The following ZNF71 variants were observed in gnomAD, a reference collection of about 807,000 sequenced individuals.
ZNF71 encodes the protein zinc finger protein 71.
ZNF71 carries 3 observed loss-of-function variants against 6.7 expected under a neutral mutation model. The observed-to-expected ratio is 0.45, with a 90% CI of 0.20 to 1.16. The LOEUF (loss-of-function observed/expected upper bound fraction) is 1.16. Ranked by LOEUF, ZNF71 falls within the 50% of genes most tolerant of loss-of-function variation. The pLI is 0.25. For synonymous variants in ZNF71, 343 were observed against 311.1 expected (o/e 1.10, Z -1.08); for missense variants, 688 against 728.6 (o/e 0.94, Z 0.64).
chr19:56,596,415 C>T (rs928433165), intron 1 of ZNF71, among the ~76,000 whole-genome samples: 3 of 152,160 alleles, frequency 2.0e-5, no homozygotes, highest in African/African-American at 7.2e-5. Flanking sequence ...CTACGCTTCT[C>T]CTAGTCTGCC....
rs1289752513 is a variant in ZNF71, at chr19:56,621,406, A to G, written c.299A>G (p.Glu100Gly). 3 of 1,612,524 alleles carry G rather than the reference A, an allele frequency of 1.9e-6. No homozygotes were observed. Among genetic ancestry groups the G allele is most frequent in the Non-Finnish European group, 2.5e-6 (3 of 1,179,158 alleles). ...ARGPGSEGVW[E>G]PGSWPERPRG... The stretch of plus-strand genomic sequence containing the variant: ...GGTCCTGGCTCAGAAGGAGTGTGGG[A>G]ACCAGGCAGCTGGCCAGAGAGGCCG... Residue 100 changes from glutamate (E) to glycine (G), a missense_variant, in exon 4 of 4, where the codon GAA becomes GGA. Coordinates refer to ENST00000599599, the MANE Select transcript of ZNF71 (RefSeq NM_001370215.1).
At position 56,621,199 on chromosome 19, in the gene ZNF71, T is replaced by A. The variant is rs889717787; in HGVS notation, c.161-69T>A. ...GTCGGTTTCATTTGCTCCTTCCTGC[T>A]GTGGAGCTTCCTCACTCCCAGCATC... is the stretch of plus-strand genomic sequence containing the variant. On this transcript the variant is annotated intron_variant, in intron 3 of 3. Coordinates refer to ENST00000599599, the MANE Select transcript of ZNF71 (RefSeq NM_001370215.1). 1.4e-5 allele frequency: 21 copies of A among 1,475,996 alleles called. No homozygotes were observed. The Admixed American group carries it at 1.7e-4, about 12-fold the overall frequency. The allele number at this position is 1,475,996 out of a possible 1,614,324, so 91.4% of individuals were successfully genotyped here.
At chr19:56,610,789 GT>G (rs1441309677) in intron 2 of ZNF71, among the ~76,000 whole-genome samples, 1 of 152,200 alleles carries the variant, frequency 6.6e-6, no homozygotes, top group African/African-American at 2.4e-5. Context: ...GAGGAATGTT[GT>G]TGCAGTATTT....
chr19:56,622,636 ACTC>A lies in ZNF71; in HGVS notation c.1534_1536del (p.Ser512del). 1.3e-6 allele frequency: 2 copies of A among 1,566,712 alleles called. No homozygotes were observed. Among genetic ancestry groups the A allele is most frequent in the Non-Finnish European group, 1.7e-6 (2 of 1,158,810 alleles). ...CAGTGCGGGAAGTCCTTCATCAAGA[ACTC>A]CTCCCTCACTGTGCACCAGCGGATC... On this transcript the variant is annotated inframe_deletion, in exon 4 of 4. Coordinates refer to ENST00000599599, the MANE Select transcript of ZNF71 (RefSeq NM_001370215.1).
At chr19:56,609,975 G>A (rs937383136) in intron 2 of ZNF71, 1 of 152,244 alleles carries the variant, frequency 6.6e-6, no homozygotes, top group Non-Finnish European at 1.5e-5. Flanking sequence ...GTTCCTTCAT[G>A]TTGCAGCGTG....
rs1316004413 is a variant in ZNF71 at position 56,613,803 on chromosome 19, C to G, written c.34-9C>G. ...CCTGCGATGAGCGGATGTGGGTTTCCTCTTACAGGAATCAGTGACGTTCAG... is the reference window on the plus strand; with the variant it reads ...CCTGCGATGAGCGGATGTGGGTTTCGTCTTACAGGAATCAGTGACGTTCAG... On this transcript the variant is annotated splice_polypyrimidine_tract_variant and intron_variant, in intron 2 of 3. Transcript: ENST00000599599. The surrounding 1 kb of genome is among the most constrained non-coding windows in gnomAD (Gnocchi z 4.6). 1 of 1,103,806 alleles carries G rather than the reference C, an allele frequency of 9.1e-7. No individual in the cohort carries two copies. The highest frequency in any genetic ancestry group is 1.1e-6 in the Non-Finnish European group (1 of 888,846). 68.4% of individuals were successfully genotyped at this position (1,103,806 alleles called of 1,614,324 possible).
chr19:56,609,552 C>T (rs2044734196), intron 2 of ZNF71, among the ~76,000 whole-genome samples: 1 of 151,978 alleles, frequency 6.6e-6, no homozygotes, highest in African/African-American at 2.4e-5. Context: ...ATGGATTTTG[C>T]CTGTCCCGGA....
At chr19:56,606,785 G>C (rs911367375) in intron 2 of ZNF71, among the ~76,000 whole-genome samples, 3 of 151,964 alleles carry the variant, frequency 2.0e-5, no homozygotes, top group African/African-American at 7.3e-5. Flanking sequence ...GCTTCTCCCA[G>C]AGCAAGTGTT....
intron 3 of ZNF71, among the ~76,000 whole-genome samples, chr19:56,617,112 G>GTTTTGTTTTTTTTTTTTTTTTTTTT (rs1555776017): frequency 7.1e-6 from 1 of 140,646 alleles, no homozygotes; most frequent in Non-Finnish European, 1.5e-5. Context: ...ATTTTCTTTT[G>GTTTTGTTTTTTTTTTTTTTTTTTTT]TTTTTTTTTG....
At position 56,603,797 on chromosome 19, in the gene ZNF71, T is replaced by TA. The variant is rs748996573; in HGVS notation, c.33+2208dup. ...TTTTGGTTTAAGTTTTTTTTTTTTTTAATTACTACTAGTGTAATTACATTC... is the reference window on the plus strand; with the variant it reads ...TTTTGGTTTAAGTTTTTTTTTTTTTTAAATTACTACTAGTGTAATTACATTC... On this transcript the variant is annotated intron_variant, in intron 2 of 3. Transcript: ENST00000599599. The surrounding 1 kb of genome is among the most constrained non-coding windows in gnomAD (Gnocchi z 4.6). 0.033 allele frequency among the ~76,000 whole-genome samples: 4,995 copies of TA among 149,842 alleles called. 252 individuals carry two copies. The highest frequency in any genetic ancestry group is 0.11 in the African/African-American group (4,451 of 40,600).
At position 56,622,456 on chromosome 19, in the gene ZNF71, A is replaced by G. The variant is rs745444377; in HGVS notation, c.1349A>G (p.His450Arg). The change falls in exon 4 of 4, where the codon CAC becomes CGC. Residue 450 changes from histidine (H) to arginine (R), a missense_variant. Coordinates refer to ENST00000599599, the MANE Select transcript of ZNF71 (RefSeq NM_001370215.1). ...TACGAGTGCTACATCTGCAAGAAGC[A>G]CTTCACGGGGCGCTCGTCCCTCATC... ...KPYECYICKKHFTGRSSLIVH... is the reference protein window; with the variant it reads ...KPYECYICKKRFTGRSSLIVH... The G allele has an allele frequency of 3.1e-6, 5 of 1,593,878 alleles. No homozygotes were observed. Among genetic ancestry groups the G allele is most frequent in the Non-Finnish European group, 3.4e-6 (4 of 1,174,344 alleles).
rs1404318332 is a variant in ZNF71 at position 56,598,797 on chromosome 19, C to T, written c.-52-2710C>T. On this transcript the variant is annotated intron_variant, in intron 1 of 3. Transcript: ENST00000599599. This position sits in a 1 kb window ranked among gnomAD's most constrained non-coding sequence, Gnocchi z 4.2. ...GTTCCAAAGGCTTCTGCCAACTTGG[C>T]CTTATATATATGCCCCCCTACAATT... Among the ~76,000 whole-genome samples, 1 of 148,930 alleles carries T rather than the reference C, an allele frequency of 6.7e-6. No individual in the cohort carries two copies. Among genetic ancestry groups the T allele is most frequent in the Non-Finnish European group, 1.5e-5 (1 of 67,804 alleles).
At position 56,623,421 on chromosome 19, in the gene ZNF71, A is replaced by T. The variant is rs914031363; in HGVS notation, c.*664A>T. ...TACGTTTTTTAAAAATAAAACTTTT[A>T]ATTAAGGGAGACTATGTTATTTTAA... On this transcript the variant is annotated 3_prime_UTR_variant, in exon 4 of 4. Coordinates refer to ENST00000599599, the MANE Select transcript of ZNF71 (RefSeq NM_001370215.1). 1.2e-5 allele frequency: 2 copies of T among 167,004 alleles called. No individual in the cohort carries two copies. Among genetic ancestry groups the T allele is most frequent in the Admixed American group, 6.5e-5 (1 of 15,276 alleles). 10.3% of individuals were successfully genotyped at this position (167,004 alleles called of 1,614,324 possible). A position where few individuals can be genotyped will look rare whatever the true frequency, so the allele number is the denominator to read the frequency against.
intron 3 of ZNF71, among the ~76,000 whole-genome samples, chr19:56,615,976 G>A (rs1374313398): frequency 6.6e-6 from 1 of 152,082 alleles, no homozygotes; most frequent in African/African-American, 2.4e-5. Flanking sequence ...ATGTAAGAAC[G>A]GGGCTCAACA....
In ZNF71 at chr19:56,598,623, G is replaced by A. The variant is rs2044643736; in HGVS notation, c.-52-2884G>A. 6.6e-6 allele frequency among the ~76,000 whole-genome samples: 1 copy of A among 152,110 alleles called. No individual in the cohort carries two copies. The highest frequency in any genetic ancestry group is 1.5e-5 in the Non-Finnish European group (1 of 68,022). ...GGGCCTGATCATTCTTTGTTGTGGG[G>A]CCTGTCGCGTGCATCGTACAGTGTG... On this transcript the variant is annotated intron_variant, in intron 1 of 3. Transcript: ENST00000599599. The surrounding 1 kb of genome is among the most constrained non-coding windows in gnomAD (Gnocchi z 4.2).
At chr19:56,595,895 CAG>C (rs750462872) in intron 1 of ZNF71, among the ~76,000 whole-genome samples, 3 of 93,936 alleles carry the variant, frequency 3.2e-5, no homozygotes, top group South Asian at 3.5e-4. Context: ...GTGTATGAGA[CAG>C]AGAGAGAAAC....
rs2044887590 is a variant in ZNF71 at position 56,623,933 on chromosome 19, C to T, written c.*1176C>T. 6.0e-6 allele frequency: 1 copy of T among 167,070 alleles called. No individual in the cohort carries two copies. 10.3% of individuals were successfully genotyped at this position (167,070 alleles called of 1,614,324 possible). ...CTCTTCATACTGTTACATTGGGGATCAAGTTTCCAATATGTGAATACAGGG... is the reference window on the plus strand; with the variant it reads ...CTCTTCATACTGTTACATTGGGGATTAAGTTTCCAATATGTGAATACAGGG... On this transcript the variant is annotated 3_prime_UTR_variant, in exon 4 of 4. Coordinates refer to ENST00000599599, the MANE Select transcript of ZNF71 (RefSeq NM_001370215.1).
At chr19:56,606,623 G>A (rs570680167) in intron 2 of ZNF71, among the ~76,000 whole-genome samples, 1 of 152,216 alleles carries the variant, frequency 6.6e-6, no homozygotes, top group Non-Finnish European at 1.5e-5. Context: ...TTGCTCACAT[G>A]TCTGTCTCTT....
Position 56,624,276 on chromosome 19 carries a change from G to C in ZNF71, c.*1519G>C, listed in dbSNP as rs2044891500. The C allele has an allele frequency of 6.5e-6, 1 of 153,122 alleles. No homozygotes were observed. Among genetic ancestry groups the C allele is most frequent in the South Asian group, 2.1e-4 (1 of 4,822 alleles). The allele number at this position is 153,122 out of a possible 1,614,324, so 9.5% of individuals were successfully genotyped here. On this transcript the variant is annotated 3_prime_UTR_variant, in exon 4 of 4. Coordinates refer to ENST00000599599, the MANE Select transcript of ZNF71 (RefSeq NM_001370215.1). ...GTTTTTCAAATTCTGGCAGTCAAGT[G>C]GGCCTCAGGGTGGGTTTGATTCAGG...
Sources: gnomAD v4.1 joint callset for allele counts (sites outside exome capture counted in the v4.1 genomes callset) on GRCh38, gnomAD v4.1.1 for gene constraint, Gnocchi (gnomAD v3.1) non-coding constraint, MANE v1.5 for transcripts, NCBI Gene and HGNC (gene_info 2026-07-23, HGNC 2026-07-21) for gene names.